Variants in CARMIL2 observed in about 807,000 individuals in gnomAD.
The protein encoded by CARMIL2 is capping protein regulator and myosin 1 linker 2.
In CARMIL2, 96 loss-of-function variants were observed where a neutral mutation model predicts 173.3. The ratio of observed to expected loss-of-function variants is 0.55; its 90% CI spans 0.47 to 0.66. The LOEUF (loss-of-function observed/expected upper bound fraction) is 0.66. Ranked by LOEUF, CARMIL2 falls within the 30% of genes least tolerant of loss-of-function variation. The pLI is 0.00. For missense variants in CARMIL2, 1,771 were observed against 1,906.7 expected (o/e 0.93, Z 1.33); for synonymous variants, 830 against 817.1 (o/e 1.02, Z -0.27).
chr16:67,647,502 C>A lies in CARMIL2; in HGVS notation c.777-6C>A, dbSNP rs766893228. On this transcript the variant is annotated splice_region_variant and splice_polypyrimidine_tract_variant and intron_variant, in intron 10 of 37. Coordinates refer to ENST00000334583, the MANE Select transcript of CARMIL2 (RefSeq NM_001013838.3). ...CAGAATCTCATGCCTGGGGTCTGGT[C>A]CCCAGAGACTTTGTCCGACGACTGG... 1 of 1,597,420 alleles carries A rather than the reference C, an allele frequency of 6.3e-7. No homozygotes were observed. The highest frequency in any genetic ancestry group is 8.5e-7 in the Non-Finnish European group (1 of 1,172,456).
Position 67,647,390 on chromosome 16 carries a change from G to A in CARMIL2, c.776+3G>A. 6.4e-7 allele frequency: 1 copy of A among 1,573,980 alleles called. No individual in the cohort carries two copies. Among genetic ancestry groups the A allele is most frequent in the Non-Finnish European group, 8.6e-7 (1 of 1,159,608 alleles). On this transcript the variant is annotated splice_donor_region_variant and intron_variant, in intron 10 of 37. Coordinates refer to ENST00000334583, the MANE Select transcript of CARMIL2 (RefSeq NM_001013838.3). ...CTGGAGACCTGCAGCCTGAGGGGGT[G>A]AGGGGGACAGGGCAGGGCTTGGAGA...
At position 67,653,030 on chromosome 16, in the gene CARMIL2, G is replaced by A. The variant is rs2052759738; in HGVS notation, c.2896G>A (p.Glu966Lys). 2.4e-6 allele frequency: 3 copies of A among 1,270,968 alleles called. No individual in the cohort carries two copies. The highest frequency in any genetic ancestry group is 3.0e-6 in the Non-Finnish European group (3 of 994,944). 78.7% of individuals were successfully genotyped at this position (1,270,968 alleles called of 1,614,324 possible). The change falls in exon 29 of 38, where the codon GAA (glutamate) becomes AAA (lysine). Residue 966 changes from glutamate to lysine, a missense_variant. Glu to Lys is a moderately conservative substitution (Grantham distance 56). Coordinates refer to ENST00000334583, the MANE Select transcript of CARMIL2 (RefSeq NM_001013838.3). The surrounding 1 kb of genome is among the most constrained non-coding windows in gnomAD (Gnocchi z 7.4). ...LVPFIHSAAE[E>K]AEPEPELAAP... The stretch of plus-strand genomic sequence containing the variant: ...TGCTGTCCCCTCAGGTGCTGCTGAG[G>A]AAGCGGAGCCGGAGCCCGAGCTGGC...
At chr16:67,650,914 C>G (rs2052710466) in intron 22 of CARMIL2, 1 of 425,520 alleles carries the variant, frequency 2.4e-6, no homozygotes, top group Non-Finnish European at 4.3e-6. Flanking sequence ...AGTCTATCCT[C>G]TGTGTGGACA....
rs2052625030 is a variant in CARMIL2, at chr16:67,647,773, T to G, written c.958+7T>G. The G allele has an allele frequency of 1.1e-6, 1 of 939,902 alleles. No homozygotes were observed. Among genetic ancestry groups the G allele is most frequent in the Non-Finnish European group, 1.4e-6 (1 of 704,026 alleles). 58.2% of individuals were successfully genotyped at this position (939,902 alleles called of 1,614,324 possible). On this transcript the variant is annotated splice_region_variant and intron_variant, in intron 12 of 37. Transcript: ENST00000334583. ...ACAGGGTTGACACCGCGAGGTAGGC[T>G]GGATGAGGGAGGGGGTGAGGGGAGG...
At chr16:67,645,892 G>A (rs972569533) in intron 3 of CARMIL2, 115 bp downstream of exon 3, 1 of 1,552,934 alleles carries the variant, frequency 6.4e-7, no homozygotes, top group Non-Finnish European at 8.8e-7. Flanking sequence ...ACCAGCACTG[G>A]GCTCTGGGCA....
chr16:67,652,419 CT>C lies in CARMIL2; in HGVS notation c.2818-49del. 6.8e-6 allele frequency: 11 copies of C among 1,611,874 alleles called. No homozygotes were observed. The highest frequency in any genetic ancestry group is 8.5e-6 in the Non-Finnish European group (10 of 1,178,768). ...GGAGTGTGGAAGGTGAAAGGCAGCTCTTTTGGGTTGGTGCTCTCCTACCCCA... is the reference window on the plus strand; with the variant it reads ...GGAGTGTGGAAGGTGAAAGGCAGCTCTTTGGGTTGGTGCTCTCCTACCCCA... On this transcript the variant is annotated intron_variant, in intron 27 of 37. Coordinates refer to ENST00000334583, the MANE Select transcript of CARMIL2 (RefSeq NM_001013838.3). The surrounding 1 kb of genome is among the most constrained non-coding windows in gnomAD (Gnocchi z 4.7).
rs553572439 is a variant in CARMIL2 at position 67,656,914 on chromosome 16, G to A, written c.4117+33G>A. 5 of 1,492,384 alleles carry A rather than the reference G, an allele frequency of 3.4e-6. No homozygotes were observed. In the African/African-American group the frequency reaches 5.6e-5, roughly 17 times the overall value. The allele number at this position is 1,492,384 out of a possible 1,614,324, so 92.4% of individuals were successfully genotyped here. A position where few individuals can be genotyped will look rare whatever the true frequency, so the allele number is the denominator to read the frequency against. On this transcript the variant is annotated intron_variant, in intron 36 of 37. Coordinates refer to ENST00000334583, the MANE Select transcript of CARMIL2 (RefSeq NM_001013838.3). ...GAGACACCTCCACGTGTGCTTGAAT[G>A]CAGGAGATGTGGGAGGGTGGGCTTC...
At position 67,656,042 on chromosome 16, in the gene CARMIL2, C is replaced by A; in HGVS notation, c.3717C>A (p.Gly1239=). The A allele has an allele frequency of 6.3e-7, 1 of 1,598,676 alleles. No homozygotes were observed. The highest frequency in any genetic ancestry group is 8.5e-7 in the Non-Finnish European group (1 of 1,172,746). The change falls in exon 33 of 38, where the codon GGC becomes GGA. Residue 1239 remains glycine, a synonymous_variant. Coordinates refer to ENST00000334583, the MANE Select transcript of CARMIL2 (RefSeq NM_001013838.3). ...AEGKRKQSKD[G]EIKKAGSDGD... is the part of the protein sequence containing the mutation. ...CCTGTTTCCTGCAGAGCAAAGATGG[C>A]GAGATCAAGAAAGCTGGCTCAGATG...
rs368277853 is a variant in CARMIL2, at chr16:67,651,225, G to A, written c.2223G>A (p.Val741=). ...NELCQSVQEH[V]ELLGCGAGPQ... ...TGTGTCAGTCGGTGCAGGAGCATGT[G>A]GAGCTGCTGGGCTGTGGGGCTGGGC... Residue 741 remains valine (V), a synonymous_variant, in exon 23 of 38, where the codon GTG becomes GTA. Coordinates refer to ENST00000334583, the MANE Select transcript of CARMIL2 (RefSeq NM_001013838.3). This position sits in a 1 kb window ranked among gnomAD's most constrained non-coding sequence, Gnocchi z 4.2. 7.6e-5 allele frequency: 123 copies of A among 1,613,510 alleles called. 1 individual carries two copies. The Middle Eastern group carries it at 4.3e-3, about 56-fold the overall frequency.
In CARMIL2 at chr16:67,657,539, T is replaced by G. The variant is rs1369611250; in HGVS notation, c.*21T>G. On this transcript the variant is annotated 3_prime_UTR_variant, in exon 38 of 38. Coordinates refer to ENST00000334583, the MANE Select transcript of CARMIL2 (RefSeq NM_001013838.3). This position sits in a 1 kb window ranked among gnomAD's most constrained non-coding sequence, Gnocchi z 4.5. ...CCTGATCCTCTCCTCTCCTGCCGCATGAGATTATTTTATTAAAAAACTCAA... is the reference window on the plus strand; with the variant it reads ...CCTGATCCTCTCCTCTCCTGCCGCAGGAGATTATTTTATTAAAAAACTCAA... 3 of 1,613,672 alleles carry G rather than the reference T, an allele frequency of 1.9e-6. No individual in the cohort carries two copies. Among genetic ancestry groups the G allele is most frequent in the Non-Finnish European group, 2.5e-6 (3 of 1,179,742 alleles).
chr16:67,652,584 G>A lies in CARMIL2; in HGVS notation c.2884+46G>A. ...AGGGAGTTTACGTGGGTGGGCTGAAGCTCCATTAGACTTGGGGACCCGGGG... is the reference window on the plus strand; with the variant it reads ...AGGGAGTTTACGTGGGTGGGCTGAAACTCCATTAGACTTGGGGACCCGGGG... On this transcript the variant is annotated intron_variant, in intron 28 of 37. Transcript: ENST00000334583. The surrounding 1 kb of genome is among the most constrained non-coding windows in gnomAD (Gnocchi z 4.7). The A allele has an allele frequency of 6.3e-7, 1 of 1,578,198 alleles. No homozygotes were observed. The highest frequency in any genetic ancestry group is 1.7e-5 in the Admixed American group (1 of 59,226).
chr16:67,654,278 G>A (rs1220265690), intron 30 of CARMIL2, 29 bp downstream of exon 30: 4 of 1,559,902 alleles, frequency 2.6e-6, no homozygotes, highest in Non-Finnish European at 3.5e-6. Context: ...CTGGGGGTGG[G>A]AGAGGGTGGG....
At position 67,646,539 on chromosome 16, in the gene CARMIL2, C is replaced by T; in HGVS notation, c.466+22C>T. The T allele has an allele frequency of 6.2e-7, 1 of 1,607,826 alleles. No homozygotes were observed. Among genetic ancestry groups the T allele is most frequent in the Non-Finnish European group, 8.5e-7 (1 of 1,176,196 alleles). On this transcript the variant is annotated intron_variant, in intron 6 of 37. Transcript: ENST00000334583. The surrounding 1 kb of genome is among the most constrained non-coding windows in gnomAD (Gnocchi z 4.6). ...TGTGGTAAGGGTGAAGGCAGAGCCA[C>T]AGGCCTTCCAGCCTGCCCCACCTCT...
rs774371542 is a variant in CARMIL2, at chr16:67,656,292, G to C, written c.3807G>C (p.Val1269=). Residue 1269 remains valine, a synonymous_variant, in exon 34 of 38, where the codon GTG becomes GTC. Coordinates refer to ENST00000334583, the MANE Select transcript of CARMIL2 (RefSeq NM_001013838.3). ...PISIKSRTHS[V]SADPSCRPGP... Reference sequence around the variant, plus strand: ...CGATCAAGTCCCGCACCCACTCTGTGTCTGCTGGTGAGTGAGGGCCACTGT... The same window carrying C: ...CGATCAAGTCCCGCACCCACTCTGTCTCTGCTGGTGAGTGAGGGCCACTGT... 1 of 1,614,012 alleles carries C rather than the reference G, an allele frequency of 6.2e-7. No homozygotes were observed. Among genetic ancestry groups the C allele is most frequent in the Admixed American group, 1.7e-5 (1 of 60,024 alleles).
chr16:67,656,855 A>G lies in CARMIL2; in HGVS notation c.4091A>G (p.His1364Arg). ...LSAGRRAVSVHEDQLQAPAER... is the reference protein window; with the variant it reads ...LSAGRRAVSVREDQLQAPAER... Reference sequence around the variant, plus strand: ...GCAGGGCGGCGAGCAGTGTCTGTGCATGAGGACCAGCTCCAGGCCCCTGCT... The same window carrying G: ...GCAGGGCGGCGAGCAGTGTCTGTGCGTGAGGACCAGCTCCAGGCCCCTGCT... Residue 1364 changes from histidine to arginine, a missense_variant, in exon 36 of 38, where the codon CAT becomes CGT. Transcript: ENST00000334583. 8 of 1,550,292 alleles carry G rather than the reference A, an allele frequency of 5.2e-6. No homozygotes were observed. The highest frequency in any genetic ancestry group is 7.0e-6 in the Non-Finnish European group (8 of 1,146,504).
At position 67,656,580 on chromosome 16, in the gene CARMIL2, G is replaced by C; in HGVS notation, c.3971G>C (p.Arg1324Thr). Residue 1324 changes from arginine to threonine, a missense_variant, in exon 35 of 38, where the codon AGA becomes ACA. Arg to Thr is a moderately conservative substitution (Grantham distance 71, BLOSUM62 -1). Transcript: ENST00000334583. ...PSPGQSPSPC[R>T]TSPSPDSLGL... ...CCTGGTCAAAGCCCAAGTCCCTGCAGAACCAGCCCCTCCCCAGACAGCCTG... is the reference window on the plus strand; with the variant it reads ...CCTGGTCAAAGCCCAAGTCCCTGCACAACCAGCCCCTCCCCAGACAGCCTG... 6.2e-7 allele frequency: 1 copy of C among 1,612,312 alleles called. No individual in the cohort carries two copies. The highest frequency in any genetic ancestry group is 8.5e-7 in the Non-Finnish European group (1 of 1,179,354).
chr16:67,653,746 G>A lies in CARMIL2; in HGVS notation c.3121-403G>A. ...CCCCAGAGGGTCTGACGCAGCAGCC[G>A]GCGCCACTGAGCCGGCAGCAGGCCG... On this transcript the variant is annotated intron_variant, in intron 29 of 37. Coordinates refer to ENST00000334583, the MANE Select transcript of CARMIL2 (RefSeq NM_001013838.3). The surrounding 1 kb of genome is among the most constrained non-coding windows in gnomAD (Gnocchi z 7.4). Among the ~76,000 whole-genome samples, 1 of 152,086 alleles carries A rather than the reference G, an allele frequency of 6.6e-6. No individual in the cohort carries two copies. The highest frequency in any genetic ancestry group is 1.9e-4 in the East Asian group (1 of 5,142).
intron 34 of CARMIL2, 46 bp from the exon 35 acceptor site, chr16:67,656,378 T>G (rs1413827799): frequency 3.1e-6 from 5 of 1,609,228 alleles, no homozygotes; most frequent in Middle Eastern, 3.3e-4. Context: ...TTCAGACCTA[T>G]CGCCAATGCC....
rs2052589858 is a variant in CARMIL2, at chr16:67,646,190, C to A, written c.254C>A (p.Thr85Asn). 1 of 1,613,684 alleles carries A rather than the reference C, an allele frequency of 6.2e-7. No individual in the cohort carries two copies. Among genetic ancestry groups the A allele is most frequent in the Non-Finnish European group, 8.5e-7 (1 of 1,179,858 alleles). The change falls in exon 5 of 38, where the codon ACC (threonine) becomes AAC (asparagine). Residue 85 changes from threonine to asparagine, a missense_variant. Thr to Asn is a moderately conservative substitution (Grantham distance 65, BLOSUM62 0). Around this residue, in one of 3 missense-constraint regions of CARMIL2, gnomAD observed 944 missense variants for 975.6 expected, o/e 0.97. Coordinates refer to ENST00000334583, the MANE Select transcript of CARMIL2 (RefSeq NM_001013838.3). This position sits in a 1 kb window ranked among gnomAD's most constrained non-coding sequence, Gnocchi z 4.6. ...MALQETPPQV[T>N]FELESLRELV... ...CTAGTAGTGCCCCTTCCCTAGGTCA[C>A]CTTTGAGCTGGAGTCCCTGCGTGAG...
Sources: gnomAD v4.1 joint callset for allele counts (sites outside exome capture counted in the v4.1 genomes callset) on GRCh38, gnomAD v4.1.1 for gene constraint, gnomAD v4.1.1 regional missense constraint, Gnocchi (gnomAD v3.1) non-coding constraint, MANE v1.5 for transcripts, NCBI Gene and HGNC (gene_info 2026-07-23, HGNC 2026-07-21) for gene names.